Variants in RIMS1 observed in about 807,000 individuals in gnomAD.
The protein encoded by RIMS1 is regulating synaptic membrane exocytosis protein 1.
In RIMS1, 83 loss-of-function variants were observed where a neutral mutation model predicts 214.1. The ratio of observed to expected loss-of-function variants is 0.39; its 90% CI spans 0.32 to 0.47. The LOEUF (loss-of-function observed/expected upper bound fraction) is 0.47, where lower values mean the gene tolerates loss of function less well. Among genes scored for constraint, RIMS1 ranks in the 20% least tolerant of loss-of-function variants. RIMS1 has a pLI of 0.99. For missense variants in RIMS1, 2,050 were observed against 2,161.8 expected, an observed-to-expected ratio of 0.95 and a Z score of 1.03; for synonymous variants, 793 against 786.8, an observed-to-expected ratio of 1.01 and a Z score of -0.13.
chr6:72,251,772 G>A (rs754327851), intron 15 of RIMS1, among the ~76,000 whole-genome samples: 4 of 151,914 alleles, frequency 2.6e-5, no homozygotes, highest in Admixed American at 6.6e-5. Flanking sequence ...GTGCATTGGC[G>A]TGATCTCGGC....
At chr6:71,911,355 T>C (rs374271591) in intron 1 of RIMS1, among the ~76,000 whole-genome samples, 28 of 152,266 alleles carry the variant, frequency 1.8e-4, no homozygotes, top group African/African-American at 6.7e-4. Flanking sequence ...TTAGGGTAAA[T>C]ACTTATGGAG....
chr6:71,968,161 T>G (rs1328206698), intron 1 of RIMS1, among the ~76,000 whole-genome samples: 1 of 152,206 alleles, frequency 6.6e-6, no homozygotes, highest in Non-Finnish European at 1.5e-5. Flanking sequence ...ATTTTAAAGC[T>G]TTTGAGAAGA....
chr6:72,070,253 T>G (rs1586235275), intron 2 of RIMS1, among the ~76,000 whole-genome samples: 1 of 152,210 alleles, frequency 6.6e-6, no homozygotes, highest in African/African-American at 2.4e-5. Context: ...TAAAAATATG[T>G]AAAATGGAAA....
intron 29 of RIMS1, among the ~76,000 whole-genome samples, chr6:72,339,514 G>C (rs1228227723): frequency 1.3e-5 from 2 of 151,206 alleles, no homozygotes; most frequent in African/African-American, 4.9e-5. Flanking sequence ...ATTCCCAGCT[G>C]TGAGTGAGAA....
chr6:72,021,267 A>C (rs1814591203), intron 2 of RIMS1, among the ~76,000 whole-genome samples: 1 of 152,104 alleles, frequency 6.6e-6, no homozygotes, highest in Non-Finnish European at 1.5e-5. Context: ...AAGAATTCAC[A>C]TGTTTGTACT....
At chr6:72,233,054 A>G (rs1002946385) in intron 6 of RIMS1, among the ~76,000 whole-genome samples, 5 of 151,728 alleles carry the variant, frequency 3.3e-5, no homozygotes, top group Non-Finnish European at 5.9e-5. Flanking sequence ...AGGTTACCCA[A>G]TTTTTCTCCG....
chr6:71,935,157 A>C (rs1784098760), intron 1 of RIMS1, among the ~76,000 whole-genome samples: 2 of 152,326 alleles, frequency 1.3e-5, no homozygotes, highest in Admixed American at 6.5e-5. Context: ...ACAAAAATTA[A>C]CCTAAAGAAT....
chr6:72,181,708 G>C (rs2048426781), intron 5 of RIMS1, among the ~76,000 whole-genome samples: 1 of 152,156 alleles, frequency 6.6e-6, no homozygotes, highest in Non-Finnish European at 1.5e-5. Flanking sequence ...GTAAAGAGCT[G>C]GGCAACTTCA....
chr6:72,126,662 A>G (rs1248782888), intron 4 of RIMS1: 2 of 267,632 alleles, frequency 7.5e-6, no homozygotes, highest in East Asian at 2.1e-4. Context: ...AGTGGCAAAC[A>G]AATATATGAA....
intron 27 of RIMS1, among the ~76,000 whole-genome samples, chr6:72,311,692 A>G (rs1228018945): frequency 6.6e-6 from 1 of 152,202 alleles, no homozygotes; most frequent in African/African-American, 2.4e-5. Context: ...TTATCAACAC[A>G]TACACATGAG....
intron 4 of RIMS1, among the ~76,000 whole-genome samples, chr6:72,146,450 T>A (rs1005781149): frequency 6.6e-6 from 1 of 152,234 alleles, no homozygotes; most frequent in African/African-American, 2.4e-5. Context: ...ACCTTAAGGA[T>A]AAATCTTAAC....
chr6:72,044,431 T>C (rs979517855), intron 2 of RIMS1, among the ~76,000 whole-genome samples: 4 of 151,900 alleles, frequency 2.6e-5, no homozygotes, highest in African/African-American at 9.7e-5. Context: ...AAAGACACTG[T>C]TCAGAAAATG....
At chr6:72,020,560 C>A (rs1322434693) in intron 2 of RIMS1, among the ~76,000 whole-genome samples, 5 of 152,198 alleles carry the variant, frequency 3.3e-5, no homozygotes, top group Admixed American at 2.6e-4. Context: ...TCCTTCACTA[C>A]ATCTGTTGGT....
intron 32 of RIMS1, 110 bp from the exon 33 acceptor site, chr6:72,398,845 A>G (rs941663791): frequency 3.7e-5 from 24 of 645,714 alleles, no homozygotes; most frequent in East Asian, 8.4e-5. Context: ...TAAACAGTCA[A>G]TGGGAAACTT....
chr6:72,084,795 A>G lies in RIMS1; in HGVS notation c.246-12154A>G, dbSNP rs768213558. The stretch of plus-strand genomic sequence containing the variant: ...ATCGGTTATGCTCTTATTTTTTGTA[A>G]GTGTCATCTCTCAGTGCTTTCAGAA... On this transcript the variant is annotated intron_variant, in intron 2 of 33. Coordinates refer to ENST00000521978, the MANE Select transcript of RIMS1 (RefSeq NM_014989.7). Among the ~76,000 whole-genome samples the G allele has an allele frequency of 2.6e-5, 4 of 152,302 alleles. No homozygotes were observed. In the South Asian group the frequency reaches 8.3e-4, roughly 32 times the overall value.
chr6:72,300,253 G>A (rs916964975), intron 26 of RIMS1, among the ~76,000 whole-genome samples: 1 of 151,690 alleles, frequency 6.6e-6, no homozygotes, highest in African/African-American at 2.4e-5. Context: ...GGCTTTTAAA[G>A]CTTCAAAGGA....
intron 4 of RIMS1, among the ~76,000 whole-genome samples, chr6:72,175,675 C>T (rs1489418912): frequency 8.9e-6 from 1 of 112,780 alleles, no homozygotes; most frequent in African/African-American, 4.2e-5. Flanking sequence ...CTCCATTCCC[C>T]CACCAAAAAA....
intron 29 of RIMS1, among the ~76,000 whole-genome samples, chr6:72,346,053 GTTAAAGGTCCTTTTTGACCCT>G (rs1379336305): frequency 1.3e-5 from 2 of 151,700 alleles, no homozygotes; most frequent in Non-Finnish European, 3.0e-5. Context: ...AAAACAAAAA[GTTAAAGGTCCTTTTTGACCCT>G]CCATTTTCGC....
intron 2 of RIMS1, among the ~76,000 whole-genome samples, chr6:72,025,699 G>A (rs1323240631): frequency 1.3e-5 from 2 of 152,148 alleles, no homozygotes; most frequent in Admixed American, 1.3e-4. Context: ...TAAATGTAGT[G>A]TCTCCCAACA....
Sources: allele counts gnomAD v4.1 joint callset (sites outside exome capture counted in the v4.1 genomes callset), GRCh38; gene constraint gnomAD v4.1.1; transcripts MANE v1.5; gene names NCBI Gene and HGNC (gene_info 2026-07-23, HGNC 2026-07-21).